The following TEPSIN variants were observed in gnomAD, a reference collection of about 807,000 sequenced individuals.
TEPSIN encodes the protein AP-4 complex accessory subunit tepsin.
In TEPSIN, 50 loss-of-function variants were observed where a neutral mutation model predicts 48.5. The ratio of observed to expected loss-of-function variants is 1.03; its 90% CI spans 0.82 to 1.31. The LOEUF (loss-of-function observed/expected upper bound fraction) is 1.31, where lower values mean the gene tolerates loss of function less well. Ranked by LOEUF, TEPSIN falls within the 50% of genes most tolerant of loss-of-function variation. TEPSIN has a pLI of 0.00. For synonymous variants in TEPSIN, 392 were observed against 358.8 expected (o/e 1.09, Z -1.05); for missense variants, 838 against 815.9 (o/e 1.03, Z -0.33).
In TEPSIN at chr17:81,233,721, A is replaced by G. The variant is rs1372067722; in HGVS notation, c.376-5T>C. On this transcript the variant is annotated splice_region_variant and splice_polypyrimidine_tract_variant and intron_variant, in intron 5 of 12. Coordinates refer to ENST00000637944, the MANE Select transcript of TEPSIN (RefSeq NM_001363764.2). The surrounding 1 kb of genome is among the most constrained non-coding windows in gnomAD (Gnocchi z 5.8). The stretch of plus-strand genomic sequence containing the variant: ...GAACAGGGTGCTCCCCAAGTCCTAC[A>G]GGGGGAGGCGAAGGCCCTCAGTGTC... 14 of 1,592,068 alleles carry G rather than the reference A, an allele frequency of 8.8e-6. No individual in the cohort carries two copies. The highest frequency in any genetic ancestry group is 1.1e-5 in the Non-Finnish European group (13 of 1,171,510).
intron 1 of TEPSIN, chr17:81,238,727 G>A: frequency 1.6e-6 from 2 of 1,252,556 alleles, no homozygotes; most frequent in South Asian, 3.0e-5. Context: ...GCTGGCCGAG[G>A]CCTGTTCGTT....
Position 81,230,780 on chromosome 17 carries a change from G to C in TEPSIN, c.1099-102C>G. On this transcript the variant is annotated intron_variant, in intron 11 of 12. Coordinates refer to ENST00000637944, the MANE Select transcript of TEPSIN (RefSeq NM_001363764.2). This position sits in a 1 kb window ranked among gnomAD's most constrained non-coding sequence, Gnocchi z 4.2. ...CTCCCTCTTCTTCCTCCTCATCAAT[G>C]ACTGGAGTGCCAGGAGGCCCCAGAG... is the stretch of plus-strand genomic sequence containing the variant. 1 of 1,394,870 alleles carries C rather than the reference G, an allele frequency of 7.2e-7. No homozygotes were observed. The highest frequency in any genetic ancestry group is 9.4e-7 in the Non-Finnish European group (1 of 1,060,928). 86.4% of individuals were successfully genotyped at this position (1,394,870 alleles called of 1,614,324 possible). A position where few individuals can be genotyped will look rare whatever the true frequency, so the allele number is the denominator to read the frequency against.
rs143545694 is a variant in TEPSIN at position 81,230,334 on chromosome 17, C to T, written c.1233+210G>A. 20 of 210,236 alleles carry T rather than the reference C, an allele frequency of 9.5e-5. No homozygotes were observed. Among genetic ancestry groups the T allele is most frequent in the Non-Finnish European group, 1.9e-4 (19 of 99,370 alleles). The allele number at this position is 210,236 out of a possible 1,614,324, so 13.0% of individuals were successfully genotyped here. A position where few individuals can be genotyped will look rare whatever the true frequency, so the allele number is the denominator to read the frequency against. On this transcript the variant is annotated intron_variant, in intron 12 of 12. Transcript: ENST00000637944. The surrounding 1 kb of genome is among the most constrained non-coding windows in gnomAD (Gnocchi z 4.2). ...GGTAGAGGCCAGTGTACTGTGAGTGCTGCAGAGTTTGGGTGGAAGGCGGGA... is the reference window on the plus strand; with the variant it reads ...GGTAGAGGCCAGTGTACTGTGAGTGTTGCAGAGTTTGGGTGGAAGGCGGGA...
At chr17:81,238,087 A>T in intron 1 of TEPSIN, 1 of 987,638 alleles carries the variant, frequency 1.0e-6, no homozygotes, top group Non-Finnish European at 1.2e-6. Flanking sequence ...ATAGAGTTCA[A>T]GAGTATTTAA....
Position 81,232,531 on chromosome 17 carries a change from A to T in TEPSIN, c.527-13T>A. The T allele has an allele frequency of 6.6e-7, 1 of 1,526,676 alleles. No individual in the cohort carries two copies. Among genetic ancestry groups the T allele is most frequent in the Non-Finnish European group, 8.8e-7 (1 of 1,140,952 alleles). 94.6% of individuals were successfully genotyped at this position (1,526,676 alleles called of 1,614,324 possible). A position where few individuals can be genotyped will look rare whatever the true frequency, so the allele number is the denominator to read the frequency against. On this transcript the variant is annotated splice_polypyrimidine_tract_variant and intron_variant, in intron 7 of 12. Coordinates refer to ENST00000637944, the MANE Select transcript of TEPSIN (RefSeq NM_001363764.2). ...TCGCCTGCCGAGCCTGTACCCGAGG[A>T]GAGGGAGATGGGACGGCCGCCCAGT... is the stretch of plus-strand genomic sequence containing the variant.
rs768693962 is a variant in TEPSIN, at chr17:81,237,121, G to C, written c.122-50C>G. ...GGGCGAGATGATGAGGGCTGCGCCA[G>C]GCCGCAGGGAGACCAGGCCATGGGG... On this transcript the variant is annotated intron_variant, in intron 2 of 12. Transcript: ENST00000637944. 45 of 1,524,396 alleles carry C rather than the reference G, an allele frequency of 3.0e-5. No individual in the cohort carries two copies. In the South Asian group the frequency reaches 4.9e-4, roughly 17 times the overall value. 94.4% of individuals were successfully genotyped at this position (1,524,396 alleles called of 1,614,324 possible).
At position 81,233,692 on chromosome 17, in the gene TEPSIN, C is replaced by T; in HGVS notation, c.400G>A (p.Asp134Asn). The change falls in exon 6 of 13, where the codon GAC (aspartate) becomes AAC (asparagine). Residue 134 changes from aspartate to asparagine, a missense_variant. Transcript: ENST00000637944. The surrounding 1 kb of genome is among the most constrained non-coding windows in gnomAD (Gnocchi z 5.8). ...GAGGGAGCCAGCGGCAACACGGTGT[C>T]CGAGAACAGGGTGCTCCCCAAGTCC... The part of the protein sequence containing the change: ...AQDLGSTLFS[D>N]TVLPLAPSQP... 6.2e-7 allele frequency: 1 copy of T among 1,600,398 alleles called. No individual in the cohort carries two copies. Among genetic ancestry groups the T allele is most frequent in the Non-Finnish European group, 8.5e-7 (1 of 1,175,728 alleles).
At position 81,232,418 on chromosome 17, in the gene TEPSIN, G is replaced by A. The variant is rs2062634427; in HGVS notation, c.627C>T (p.Leu209=). 6.5e-7 allele frequency: 1 copy of A among 1,535,842 alleles called. No homozygotes were observed. The highest frequency in any genetic ancestry group is 8.7e-7 in the Non-Finnish European group (1 of 1,146,728). Residue 209 remains leucine (L), a synonymous_variant, in exon 8 of 13, where the codon CTC becomes CTT. Coordinates refer to ENST00000637944, the MANE Select transcript of TEPSIN (RefSeq NM_001363764.2). ...GCTGGTAGGTGTCACCCCGCGGCAG[G>A]AGCCTCCGGGTACTGGGACTCTCGG... ...PGPESPSTRR[L]LPRGDTYQPA...
intron 2 of TEPSIN, 64 bp from the exon 3 acceptor site, chr17:81,237,135 C>T (rs1354277327): frequency 1.3e-6 from 2 of 1,488,958 alleles, no homozygotes; most frequent in East Asian, 2.5e-5. Flanking sequence ...GCAGGGAGAC[C>T]AGGCCATGGG....
Position 81,236,699 on chromosome 17 carries a change from C to G in TEPSIN, c.307+9G>C. The G allele has an allele frequency of 1.3e-6, 2 of 1,555,876 alleles. No individual in the cohort carries two copies. Among genetic ancestry groups the G allele is most frequent in the Non-Finnish European group, 1.7e-6 (2 of 1,150,122 alleles). On this transcript the variant is annotated intron_variant, in intron 4 of 12. Coordinates refer to ENST00000637944, the MANE Select transcript of TEPSIN (RefSeq NM_001363764.2). ...TGGCTCTTCCTGAGCGCGTGCGCGG[C>G]CCCTGTACCTGCAGCTTCCTGGATG... is the stretch of plus-strand genomic sequence containing the variant.
chr17:81,235,346 A>G (rs2062702202), intron 4 of TEPSIN, among the ~76,000 whole-genome samples: 1 of 152,090 alleles, frequency 6.6e-6, no homozygotes, highest in African/African-American at 2.4e-5. Context: ...CTCACTGCAC[A>G]CCCACCACCT....
Position 81,228,435 on chromosome 17 carries a change from T to A in TEPSIN, c.*493A>T. On this transcript the variant is annotated 3_prime_UTR_variant, in exon 13 of 13. Coordinates refer to ENST00000637944, the MANE Select transcript of TEPSIN (RefSeq NM_001363764.2). ...GAGCCAGGGAAGGATCACGTAGGGA[T>A]CTGAGACTTGAAATGGCCTCAGGCC... is the stretch of plus-strand genomic sequence containing the variant. 9.8e-6 allele frequency: 2 copies of A among 205,078 alleles called. No homozygotes were observed. Among genetic ancestry groups the A allele is most frequent in the Non-Finnish European group, 2.0e-5 (2 of 102,430 alleles). The allele number at this position is 205,078 out of a possible 1,614,324, so 12.7% of individuals were successfully genotyped here. A position where few individuals can be genotyped will look rare whatever the true frequency, so the allele number is the denominator to read the frequency against.
At position 81,228,937 on chromosome 17, in the gene TEPSIN, C is replaced by G. The variant is rs2062521315; in HGVS notation, c.1773G>C (p.Leu591=). 3 of 1,613,416 alleles carry G rather than the reference C, an allele frequency of 1.9e-6. No individual in the cohort carries two copies. Among genetic ancestry groups the G allele is most frequent in the South Asian group, 1.1e-5 (1 of 91,062 alleles). The change falls in exon 13 of 13, where the codon CTG becomes CTC. Residue 591 remains leucine, a synonymous_variant. Coordinates refer to ENST00000637944, the MANE Select transcript of TEPSIN (RefSeq NM_001363764.2). ...PGSEPSAFAF[L]NA ...GGGCCAGGCCATCGGGTCAGGCGTTCAGGAACGCGAAAGCTGACGGCTCTG... is the reference window on the plus strand; with the variant it reads ...GGGCCAGGCCATCGGGTCAGGCGTTGAGGAACGCGAAAGCTGACGGCTCTG...
At position 81,238,277 on chromosome 17, in the gene TEPSIN, G is replaced by A. The variant is rs2062762576; in HGVS notation, c.48+709C>T. ...GAGCTGCTGAGGTTTGCAGGTGACA[G>A]CTGACAACTGCAGAACGCAGCACAG... On this transcript the variant is annotated intron_variant, in intron 1 of 12. Coordinates refer to ENST00000637944, the MANE Select transcript of TEPSIN (RefSeq NM_001363764.2). 10 of 575,988 alleles carry A rather than the reference G, an allele frequency of 1.7e-5. No individual in the cohort carries two copies. The Admixed American group carries it at 5.1e-4, about 29-fold the overall frequency. The allele number at this position is 575,988 out of a possible 1,614,324, so 35.7% of individuals were successfully genotyped here. A position where few individuals can be genotyped will look rare whatever the true frequency, so the allele number is the denominator to read the frequency against.
intron 11 of TEPSIN, 95 bp downstream of exon 11, chr17:81,231,303 G>T: frequency 7.8e-7 from 1 of 1,276,560 alleles, no homozygotes; most frequent in African/African-American, 1.5e-5. Context: ...ACACAGGTGT[G>T]CACACAGGCA....
rs758237895 is a variant in TEPSIN, at chr17:81,229,006, G to T, written c.1704C>A (p.Pro568=). 5 of 1,613,496 alleles carry T rather than the reference G, an allele frequency of 3.1e-6. No homozygotes were observed. The highest frequency in any genetic ancestry group is 3.4e-6 in the Non-Finnish European group (4 of 1,180,000). The change falls in exon 13 of 13, where the codon CCC becomes CCA. Residue 568 remains proline, a synonymous_variant. Transcript: ENST00000637944. ...GESCPDAPRA[P]QTSSQRTAAK... is the part of the protein sequence containing the mutation. Reference sequence around the variant, plus strand: ...CTGCTGTCCTCTGGGACGATGTTTGGGGGGCGCGGGGAGCATCAGGACAGG... The same window carrying T: ...CTGCTGTCCTCTGGGACGATGTTTGTGGGGCGCGGGGAGCATCAGGACAGG...
rs773245050 is a variant in TEPSIN, at chr17:81,230,165, G to C, written c.1233+379C>G. 2.6e-5 allele frequency: 6 copies of C among 232,996 alleles called. No individual in the cohort carries two copies. Among genetic ancestry groups the C allele is most frequent in the Non-Finnish European group, 5.1e-5 (6 of 118,226 alleles). The allele number at this position is 232,996 out of a possible 1,614,324, so 14.4% of individuals were successfully genotyped here. A position where few individuals can be genotyped will look rare whatever the true frequency, so the allele number is the denominator to read the frequency against. On this transcript the variant is annotated intron_variant, in intron 12 of 12. Transcript: ENST00000637944. The surrounding 1 kb of genome is among the most constrained non-coding windows in gnomAD (Gnocchi z 4.2). ...TGAATGGAACCATTTCTGCCCTCCG[G>C]AGCTTGGGAGTTGAGCATGAGCTGT...
Position 81,234,139 on chromosome 17 carries a change from G to A in TEPSIN, c.308-91C>T, listed in dbSNP as rs2062679254. The A allele has an allele frequency of 8.2e-7, 1 of 1,216,990 alleles. No individual in the cohort carries two copies. The highest frequency in any genetic ancestry group is 1.6e-5 in the African/African-American group (1 of 63,868). 75.4% of individuals were successfully genotyped at this position (1,216,990 alleles called of 1,614,324 possible). Reference sequence around the variant, plus strand: ...CGGTGCCCTGGGCCCACTCCAGGGTGGCAAGTTCCTGCCACCAAGGCCCTT... The same window carrying A: ...CGGTGCCCTGGGCCCACTCCAGGGTAGCAAGTTCCTGCCACCAAGGCCCTT... On this transcript the variant is annotated intron_variant, in intron 4 of 12. Coordinates refer to ENST00000637944, the MANE Select transcript of TEPSIN (RefSeq NM_001363764.2). This position sits in a 1 kb window ranked among gnomAD's most constrained non-coding sequence, Gnocchi z 5.4.
At chr17:81,238,584 C>G (rs2062768211) in intron 1 of TEPSIN, 1 of 1,072,216 alleles carries the variant, frequency 9.3e-7, no homozygotes, top group Non-Finnish European at 1.1e-6. Context: ...TCTCCAGGAC[C>G]GGAGTCCTCT....
Sources: gnomAD v4.1 joint callset for allele counts (sites outside exome capture counted in the v4.1 genomes callset) on GRCh38, gnomAD v4.1.1 for gene constraint, Gnocchi (gnomAD v3.1) non-coding constraint, MANE v1.5 for transcripts, NCBI Gene and HGNC (gene_info 2026-07-23, HGNC 2026-07-21) for gene names.